ERC1: variants seen among roughly 807,000 people sequenced by gnomAD.
The protein encoded by ERC1 is RAB6 interacting protein 2.
A neutral mutation model predicts 132.0 loss-of-function variants in ERC1; 56 were observed. The observed-to-expected ratio is 0.42, with a 90% confidence interval of 0.34 to 0.53. The LOEUF is 0.53. Among genes scored for constraint, ERC1 ranks in the 20% least tolerant of loss-of-function variants. The pLI is 0.03. For missense variants in ERC1, 1,202 were observed against 1,349.9 expected (o/e 0.89, Z 1.72); for synonymous variants, 478 against 476.1 (o/e 1.00, Z -0.05).
intron 2 of ERC1, among the ~76,000 whole-genome samples, chr12:1,046,623 A>C (rs982260901): frequency 2.0e-5 from 3 of 152,192 alleles, no homozygotes; most frequent in Non-Finnish European, 4.4e-5. Context: ...AAAGTTTTTC[A>C]ATACTTTGTT....
At chr12:1,210,844 A>C (rs879274903) in intron 12 of ERC1, among the ~76,000 whole-genome samples, 2 of 151,978 alleles carry the variant, frequency 1.3e-5, no homozygotes, top group Admixed American at 1.3e-4. Flanking sequence ...AAAATACAAA[A>C]ATTAGTTGGG....
chr12:1,488,821 C>T (rs1166064142), intron 18 of ERC1, among the ~76,000 whole-genome samples: 3 of 152,204 alleles, frequency 2.0e-5, no homozygotes, highest in Admixed American at 2.0e-4. Flanking sequence ...CTTGACACCT[C>T]CTCCTTTTAG....
intron 18 of ERC1, among the ~76,000 whole-genome samples, chr12:1,456,980 T>G (rs1206484462): frequency 1.3e-5 from 2 of 152,222 alleles, no homozygotes. Context: ...TAACAATATT[T>G]CAGTCGATGA....
chr12:1,003,083 T>C (rs1354887354), intron 1 of ERC1, among the ~76,000 whole-genome samples: 1 of 96,026 alleles, frequency 1.0e-5, no homozygotes, highest in Admixed American at 1.7e-4. Flanking sequence ...AAACCCTATC[T>C]CTATGAAAAA....
At chr12:1,148,074 A>G (rs1364947429) in intron 8 of ERC1, among the ~76,000 whole-genome samples, 1 of 152,226 alleles carries the variant, frequency 6.6e-6, no homozygotes, top group Non-Finnish European at 1.5e-5. Flanking sequence ...AAGCTACTAA[A>G]AAAGCCTTAG....
chr12:1,422,570 G>C (rs931130410), intron 17 of ERC1, among the ~76,000 whole-genome samples: 1 of 151,632 alleles, frequency 6.6e-6, no homozygotes, highest in East Asian at 1.9e-4. Context: ...GCATTGTATA[G>C]ATATTTGCCA....
intron 18 of ERC1, chr12:1,480,915 G>A (rs931985656): frequency 3.7e-5 from 26 of 702,274 alleles, no homozygotes; most frequent in Middle Eastern, 4.6e-4. Flanking sequence ...AAATGCAGAC[G>A]CCCCCAGACG....
At chr12:1,388,921 G>A (rs1041344050) in intron 16 of ERC1, among the ~76,000 whole-genome samples, 7 of 152,104 alleles carry the variant, frequency 4.6e-5, no homozygotes, top group Admixed American at 2.0e-4. Context: ...AGATCTTGCC[G>A]GCTCTATGAG....
At chr12:1,356,018 C>A (rs1157229560) in intron 15 of ERC1, among the ~76,000 whole-genome samples, 2 of 151,980 alleles carry the variant, frequency 1.3e-5, no homozygotes, top group Non-Finnish European at 2.9e-5. Context: ...CCAGCCTGGG[C>A]AACGTGATGA....
intron 7 of ERC1, among the ~76,000 whole-genome samples, chr12:1,123,203 G>A (rs1428746993): frequency 6.6e-6 from 1 of 152,066 alleles, no homozygotes; most frequent in East Asian, 1.9e-4. Context: ...GAAAATACAA[G>A]CATAAGTATG....
chr12:1,318,576 T>G (rs2081921621), intron 15 of ERC1, among the ~76,000 whole-genome samples: 1 of 152,176 alleles, frequency 6.6e-6, no homozygotes, highest in Non-Finnish European at 1.5e-5. Flanking sequence ...AAGACTATAA[T>G]CAAATAAAAC....
chr12:1,255,936 C>T (rs1205951091), intron 13 of ERC1, among the ~76,000 whole-genome samples: 1 of 151,934 alleles, frequency 6.6e-6, no homozygotes, highest in Non-Finnish European at 1.5e-5. Context: ...TAATGATCGC[C>T]ATTCTAACAG....
intron 17 of ERC1, among the ~76,000 whole-genome samples, chr12:1,440,410 G>T (rs1182087224): frequency 6.0e-5 from 9 of 149,952 alleles, no homozygotes; most frequent in East Asian, 2.0e-4. Context: ...GTTTCACCGT[G>T]TTAGCCAGGA....
chr12:1,092,144 A>G (rs923357650), intron 3 of ERC1, among the ~76,000 whole-genome samples: 9 of 151,940 alleles, frequency 5.9e-5, no homozygotes, highest in South Asian at 4.2e-4. Flanking sequence ...GATTACAGGC[A>G]CCCATCACCA....
intron 7 of ERC1, among the ~76,000 whole-genome samples, chr12:1,134,915 A>T (rs1363783814): frequency 1.3e-5 from 2 of 151,922 alleles, no homozygotes; most frequent in African/African-American, 4.8e-5. Context: ...TTTAGTAGAG[A>T]CAAGGTTTCT....
chr12:1,427,818 A>T (rs2092684445), intron 17 of ERC1, among the ~76,000 whole-genome samples: 2 of 152,346 alleles, frequency 1.3e-5, no homozygotes, highest in East Asian at 3.9e-4. Flanking sequence ...TGCCTGACAT[A>T]TAGGACGTGC....
intron 12 of ERC1, among the ~76,000 whole-genome samples, chr12:1,206,838 AAATGTTT>A (rs1447904585): frequency 6.6e-6 from 1 of 152,112 alleles, no homozygotes; most frequent in Non-Finnish European, 1.5e-5. Flanking sequence ...TTTTTAAAAC[AAATGTTT>A]AGAATATGTG....
chr12:1,411,896 TAGAA>T (rs80217082), intron 17 of ERC1, among the ~76,000 whole-genome samples: 24,567 of 152,148 alleles, frequency 0.16, 2,062 homozygotes, highest in Middle Eastern at 0.22. Context: ...ACCAGGAGAC[TAGAA>T]AGTAAGCAAA....
chr12:1,313,456 T>A (rs968745065), intron 15 of ERC1, among the ~76,000 whole-genome samples: 1 of 152,128 alleles, frequency 6.6e-6, no homozygotes. Flanking sequence ...AACTTTCCTG[T>A]TCAGAAACGT....
Sources: gnomAD v4.1 joint callset for allele counts (sites outside exome capture counted in the v4.1 genomes callset) on GRCh38, gnomAD v4.1.1 for gene constraint, MANE v1.5 for transcripts, NCBI Gene and HGNC (gene_info 2026-07-23, HGNC 2026-07-21) for gene names.